The following DDTL variants were observed in gnomAD, a reference collection of about 807,000 sequenced individuals.
The protein encoded by DDTL is putative D-dopachrome decarboxylase-like protein.
A neutral mutation model predicts 1.1 loss-of-function variants in DDTL; 1 was observed. That is an observed-to-expected ratio of 0.91 (90% CI 0.32 to 4.31). DDTL has a LOEUF of 4.31. Ranked by LOEUF, DDTL falls within the 30% of genes most tolerant of loss-of-function variation. DDTL has a pLI of 0.17. For missense variants in DDTL, 54 were observed against 48.9 expected (o/e 1.10, Z -0.31); for synonymous variants, 21 against 16.6 (o/e 1.26, Z -0.64).
Position 23,971,823 on chromosome 22 carries a change from C to T in DDTL, c.*417C>T, listed in dbSNP as rs147270566. The T allele has an allele frequency of 3.6e-3, 2,127 of 592,450 alleles. 47 individuals are homozygous for T. The East Asian group carries it at 0.046, about 13-fold the overall frequency. The allele number at this position is 592,450 out of a possible 1,614,324, so 36.7% of individuals were successfully genotyped here. On this transcript the variant is annotated 3_prime_UTR_variant, in exon 3 of 3. Transcript: ENST00000215770. ...GGGACACTCAGGTGTGGGAGGTAGCCGCACATCATGACCCAGCTAGGACAG... is the reference window on the plus strand; with the variant it reads ...GGGACACTCAGGTGTGGGAGGTAGCTGCACATCATGACCCAGCTAGGACAG...
In DDTL at chr22:23,971,887, T is replaced by C. The variant is rs1293960524; in HGVS notation, c.*481T>C. The C allele has an allele frequency of 1.4e-5, 6 of 433,960 alleles. No individual in the cohort carries two copies. The Admixed American group carries it at 1.6e-4, about 11-fold the overall frequency. The allele number at this position is 433,960 out of a possible 1,614,324, so 26.9% of individuals were successfully genotyped here. ...TAGCCTCGGTGTGTGTGCCGTACAC[T>C]CTATCATCTCCATCAGTTTGTGTAC... On this transcript the variant is annotated 3_prime_UTR_variant, in exon 3 of 3. Transcript: ENST00000215770.
Position 23,972,067 on chromosome 22 carries a change from C to G in DDTL, c.*661C>G, listed in dbSNP as rs1472947771. 1 of 637,418 alleles carries G rather than the reference C, an allele frequency of 1.6e-6. No homozygotes were observed. Among genetic ancestry groups the G allele is most frequent in the Non-Finnish European group, 2.0e-6 (1 of 512,064 alleles). The allele number at this position is 637,418 out of a possible 1,614,324, so 39.5% of individuals were successfully genotyped here. On this transcript the variant is annotated 3_prime_UTR_variant, in exon 3 of 3. Transcript: ENST00000215770. ...GTGAACATGCCCCTCTCAGAGGTAACAGCAAGTTTCCAGTGAGGAAAACCA... is the reference window on the plus strand; with the variant it reads ...GTGAACATGCCCCTCTCAGAGGTAAGAGCAAGTTTCCAGTGAGGAAAACCA...
intron 2 of DDTL, among the ~76,000 whole-genome samples, chr22:23,970,301 T>C (rs2033876370): frequency 6.6e-6 from 1 of 152,134 alleles, no homozygotes; most frequent in Non-Finnish European, 1.5e-5. Flanking sequence ...TGTGTGGGTG[T>C]ATATGTGTGT....
chr22:23,970,904 C>T (rs1227147956), intron 2 of DDTL, among the ~76,000 whole-genome samples: 8 of 152,108 alleles, frequency 5.3e-5, no homozygotes, highest in Non-Finnish European at 8.8e-5. Context: ...CGGTTTGAGT[C>T]TTGCCAAAGG....
In DDTL at chr22:23,972,103, C is replaced by T; in HGVS notation, c.*697C>T. 1 of 921,362 alleles carries T rather than the reference C, an allele frequency of 1.1e-6. No homozygotes were observed. The highest frequency in any genetic ancestry group is 1.3e-6 in the Non-Finnish European group (1 of 771,600). 57.1% of individuals were successfully genotyped at this position (921,362 alleles called of 1,614,324 possible). On this transcript the variant is annotated 3_prime_UTR_variant, in exon 3 of 3. Coordinates refer to ENST00000215770, the MANE Select transcript of DDTL (RefSeq NM_001084393.2). ...CAGTGAGGAAAACCAGAACTTGGGA[C>T]AGCCTGGTTGGGGCGGGCGGGAGTA... is the stretch of plus-strand genomic sequence containing the variant.
chr22:23,972,197 C>T lies in DDTL; in HGVS notation c.*791C>T, dbSNP rs2033920108. ...TATCTACCTCATGGGGATAGCATGT[C>T]TTGTCTGAGCAAAGGGAGAGTGGAT... On this transcript the variant is annotated 3_prime_UTR_variant, in exon 3 of 3. Transcript: ENST00000215770. The T allele has an allele frequency of 5.6e-6, 5 of 885,266 alleles. No individual in the cohort carries two copies. In the South Asian group the frequency reaches 2.1e-4, roughly 37 times the overall value. 54.8% of individuals were successfully genotyped at this position (885,266 alleles called of 1,614,324 possible).
At position 23,971,467 on chromosome 22, in the gene DDTL, T is replaced by C; in HGVS notation, c.*61T>C. 1 of 1,607,052 alleles carries C rather than the reference T, an allele frequency of 6.2e-7. No homozygotes were observed. The highest frequency in any genetic ancestry group is 8.5e-7 in the Non-Finnish European group (1 of 1,175,546). ...TGCATGCGGGATAATCCAAAGCTGG[T>C]TATCTCCAGGCCCTCACTCTGCCAA... is the stretch of plus-strand genomic sequence containing the variant. On this transcript the variant is annotated 3_prime_UTR_variant, in exon 3 of 3. Transcript: ENST00000215770.
chr22:23,969,272 G>A lies in DDTL; in HGVS notation c.284+1711G>A, dbSNP rs76469591. 3.3e-3 allele frequency: 3,264 copies of A among 985,562 alleles called. 85 individuals carry two copies. The African/African-American group carries it at 0.051, about 15-fold the overall frequency. 61.1% of individuals were successfully genotyped at this position (985,562 alleles called of 1,614,324 possible). A position where few individuals can be genotyped will look rare whatever the true frequency, so the allele number is the denominator to read the frequency against. On this transcript the variant is annotated intron_variant, in intron 2 of 2. Transcript: ENST00000215770. ...CACTGAAAACTGCTGTCACCTCTGA[G>A]AGGGGCATGTTGGCTTATGGCACAG...
Position 23,971,644 on chromosome 22 carries a change from GAT to G in DDTL, c.*241_*242del. On this transcript the variant is annotated 3_prime_UTR_variant, in exon 3 of 3. Coordinates refer to ENST00000215770, the MANE Select transcript of DDTL (RefSeq NM_001084393.2). ...GTATCCTTCAGGAGACAGAGAAAAA[GAT>G]ATCATCAGCTCCTTGGCTAATACCA... The G allele has an allele frequency of 6.2e-7, 1 of 1,608,468 alleles. No individual in the cohort carries two copies. Among genetic ancestry groups the G allele is most frequent in the Non-Finnish European group, 8.5e-7 (1 of 1,175,958 alleles).
rs936768604 is a variant in DDTL, at chr22:23,969,657, CA to C, written c.285-1626del. ...GAAACAAAGTGCGACCCCATCTCTA[CA>C]AAGTCATACAATTAGCCCAGCATGG... On this transcript the variant is annotated intron_variant, in intron 2 of 2. Coordinates refer to ENST00000215770, the MANE Select transcript of DDTL (RefSeq NM_001084393.2). The C allele has an allele frequency of 7.1e-6, 7 of 981,464 alleles. No individual in the cohort carries two copies. In the African/African-American group the frequency reaches 1.0e-4, roughly 15 times the overall value. The allele number at this position is 981,464 out of a possible 1,614,324, so 60.8% of individuals were successfully genotyped here. A position where few individuals can be genotyped will look rare whatever the true frequency, so the allele number is the denominator to read the frequency against.
intron 2 of DDTL, among the ~76,000 whole-genome samples, chr22:23,970,384 A>C (rs577429791): frequency 6.6e-6 from 1 of 152,026 alleles, no homozygotes; most frequent in African/African-American, 2.4e-5. Context: ...AGCAGTGTGA[A>C]TTTGAGTATG....
intron 2 of DDTL, 98 bp from the exon 3 acceptor site, chr22:23,971,188 A>G (rs2033893574): frequency 6.6e-7 from 1 of 1,507,320 alleles, no homozygotes; most frequent in African/African-American, 1.4e-5. Context: ...CCAGCTGCTC[A>G]CACCTTCCCA....
intron 2 of DDTL, chr22:23,969,650 A>C (rs1394574807): frequency 1.1e-6 from 1 of 912,788 alleles, no homozygotes. Context: ...GTGCGACCCC[A>C]TCTCTACAAA....
intron 2 of DDTL, among the ~76,000 whole-genome samples, chr22:23,970,246 G>A (rs2033874954): frequency 7.0e-6 from 1 of 141,910 alleles, no homozygotes; most frequent in East Asian, 1.9e-4. Flanking sequence ...GCGTGTGTAT[G>A]TGTGCGAATG....
rs765480677 is a variant in DDTL at position 23,971,596 on chromosome 22, C to T, written c.*190C>T. On this transcript the variant is annotated 3_prime_UTR_variant, in exon 3 of 3. Transcript: ENST00000215770. ...TCCCTATCTTGCCAATCTGCCAGGA[C>T]TCCAAGGGGAAAAAGCGGATAAGTA... 3.1e-6 allele frequency: 5 copies of T among 1,613,998 alleles called. No individual in the cohort carries two copies. Among genetic ancestry groups the T allele is most frequent in the Non-Finnish European group, 3.4e-6 (4 of 1,180,004 alleles).
At chr22:23,969,895 A>C (rs1341283814) in intron 2 of DDTL, 15 of 982,990 alleles carry the variant, frequency 1.5e-5, no homozygotes, top group African/African-American at 8.7e-5. Flanking sequence ...AGTCAGTCCC[A>C]GTGCTGTGTA....
At chr22:23,969,695 T>A in intron 2 of DDTL, 1 of 978,194 alleles carries the variant, frequency 1.0e-6, no homozygotes, top group Non-Finnish European at 1.2e-6. Context: ...GGCATGAGCC[T>A]GTGATCCAAA....
At chr22:23,970,400 G>A (rs9620341) in intron 2 of DDTL, among the ~76,000 whole-genome samples, 17,133 of 152,078 alleles carry the variant, frequency 0.11, 1,514 homozygotes, top group African/African-American at 0.25. Context: ...GTATGTGGGT[G>A]GATAAGTGAA....
chr22:23,971,877 T>TGC lies in DDTL; in HGVS notation c.*472_*473dup, dbSNP rs1451075427. ...CACAATACAGTAGCCTCGGTGTGTGTGCCGTACACTCTATCATCTCCATCA... is the reference window on the plus strand; with the variant it reads ...CACAATACAGTAGCCTCGGTGTGTGTGCGCCGTACACTCTATCATCTCCATCA... On this transcript the variant is annotated 3_prime_UTR_variant, in exon 3 of 3. Coordinates refer to ENST00000215770, the MANE Select transcript of DDTL (RefSeq NM_001084393.2). 2.1e-6 allele frequency: 1 copy of TGC among 477,746 alleles called. No individual in the cohort carries two copies. Among genetic ancestry groups the TGC allele is most frequent in the African/African-American group, 1.9e-5 (1 of 51,480 alleles). 29.6% of individuals were successfully genotyped at this position (477,746 alleles called of 1,614,324 possible).
Sources: allele counts gnomAD v4.1 joint callset (sites outside exome capture counted in the v4.1 genomes callset), GRCh38; gene constraint gnomAD v4.1.1; transcripts MANE v1.5; gene names NCBI Gene and HGNC (gene_info 2026-07-23, HGNC 2026-07-21).